Variants in PDE4D observed in about 807,000 individuals in gnomAD.
PDE4D encodes the protein phosphodiesterase 4D, also known as 3',5'-cyclic-AMP phosphodiesterase 4D.
Under a neutral mutation model 87.4 loss-of-function variants are expected in PDE4D, and 24 were observed. The observed-to-expected ratio is 0.27, with a 90% CI of 0.20 to 0.39. The LOEUF is 0.39. Among genes scored for constraint, PDE4D ranks in the 10% least tolerant of loss-of-function variants. The probability of loss-of-function intolerance (pLI) is 1.00; values close to 1 mark genes in which losing one functional copy is unlikely to be tolerated. For missense variants in PDE4D, 714 were observed against 1,041.0 expected (o/e 0.69, Z 4.32); for synonymous variants, 384 against 383.2 (o/e 1.00, Z -0.02).
intron 2 of PDE4D, among the ~76,000 whole-genome samples, chr5:60,180,215 G>C (rs1784266180): frequency 6.6e-6 from 1 of 152,164 alleles, no homozygotes; most frequent in Non-Finnish European, 1.5e-5. Context: ...AATGGTTGCT[G>C]ATCAGTCGCT....
At chr5:60,323,404 C>A (rs1259874010) in intron 1 of PDE4D, among the ~76,000 whole-genome samples, 1 of 152,134 alleles carries the variant, frequency 6.6e-6, no homozygotes, top group Non-Finnish European at 1.5e-5. Context: ...CTCTTTTGTT[C>A]CCCTGGCTTT....
chr5:60,105,460 T>C (rs1776783417), intron 2 of PDE4D, among the ~76,000 whole-genome samples: 1 of 152,116 alleles, frequency 6.6e-6, no homozygotes, highest in East Asian at 1.9e-4. Flanking sequence ...CCAGGAGAAC[T>C]TCCCCAATCT....
intron 5 of PDE4D, among the ~76,000 whole-genome samples, chr5:59,077,472 C>CTT (rs1765888158): frequency 1.8e-5 from 2 of 114,214 alleles, no homozygotes; most frequent in Admixed American, 1.1e-4. Flanking sequence ...TTTTTTTTTT[C>CTT]TTCTTTTTTT....
intron 3 of PDE4D, among the ~76,000 whole-genome samples, chr5:59,921,271 AT>A (rs1253652147): frequency 6.6e-6 from 1 of 152,194 alleles, no homozygotes; most frequent in African/African-American, 2.4e-5. Flanking sequence ...CAAAAAATTA[AT>A]GTTTTTTGCA....
chr5:60,365,762 G>T (rs764433178), intron 1 of PDE4D, among the ~76,000 whole-genome samples: 1 of 151,712 alleles, frequency 6.6e-6, no homozygotes, highest in Non-Finnish European at 1.5e-5. Flanking sequence ...TGGCCATTTC[G>T]GCCAGGCGTG....
intron 1 of PDE4D, among the ~76,000 whole-genome samples, chr5:60,209,165 G>A (rs1742885980): frequency 1.3e-5 from 2 of 149,868 alleles, no homozygotes; most frequent in Admixed American, 1.3e-4. Flanking sequence ...TTGTCCCCAA[G>A]GAAAGTATTT....
chr5:59,639,954 T>C (rs1234289894), intron 1 of PDE4D, among the ~76,000 whole-genome samples: 1 of 151,472 alleles, frequency 6.6e-6, no homozygotes, highest in Non-Finnish European at 1.5e-5. Flanking sequence ...TTTTTTAACA[T>C]TAATGCCCCA....
At chr5:59,040,534 G>A (rs930068318) in intron 5 of PDE4D, among the ~76,000 whole-genome samples, 5 of 152,174 alleles carry the variant, frequency 3.3e-5, no homozygotes, top group Admixed American at 6.5e-5. Flanking sequence ...TGAGAAAACG[G>A]AAAGACCATA....
At chr5:59,326,775 G>T (rs1455709230) in intron 1 of PDE4D, among the ~76,000 whole-genome samples, 1 of 152,046 alleles carries the variant, frequency 6.6e-6, no homozygotes, top group Non-Finnish European at 1.5e-5. Context: ...GATCTTGCTT[G>T]GAAAAGACAC....
At chr5:60,213,585 C>T (rs892069034) in intron 1 of PDE4D, among the ~76,000 whole-genome samples, 1 of 152,180 alleles carries the variant, frequency 6.6e-6, no homozygotes, top group Non-Finnish European at 1.5e-5. Context: ...TTTGCCATTC[C>T]ATTTCTTCAA....
chr5:59,075,700 T>C (rs1254221234), intron 5 of PDE4D, among the ~76,000 whole-genome samples: 1 of 152,152 alleles, frequency 6.6e-6, no homozygotes, highest in East Asian at 1.9e-4. Context: ...TTCTTATAAA[T>C]ATAAAGCATA....
At chr5:59,189,599 G>C (rs1235150320) in intron 3 of PDE4D, among the ~76,000 whole-genome samples, 1 of 152,070 alleles carries the variant, frequency 6.6e-6, no homozygotes, top group Non-Finnish European at 1.5e-5. Flanking sequence ...GCAGAGAAGA[G>C]TTTCCTACAG....
At chr5:60,259,068 T>A (rs1749381340) in intron 1 of PDE4D, among the ~76,000 whole-genome samples, 1 of 152,036 alleles carries the variant, frequency 6.6e-6, no homozygotes, top group Non-Finnish European at 1.5e-5. Flanking sequence ...ACTATCTCTA[T>A]CTTCAGATGC....
At chr5:58,981,767 G>C (rs75023582) in intron 11 of PDE4D, among the ~76,000 whole-genome samples, 3 of 152,086 alleles carry the variant, frequency 2.0e-5, no homozygotes, top group African/African-American at 7.2e-5. Context: ...ACCTTCATTC[G>C]TGAAGGGTAT....
At chr5:60,493,915 C>T (rs980302080) in intron 1 of PDE4D, among the ~76,000 whole-genome samples, 1 of 152,100 alleles carries the variant, frequency 6.6e-6, no homozygotes, top group African/African-American at 2.4e-5. Context: ...TAAATTAGCA[C>T]TAGAGGACAA....
At chr5:59,127,611 C>G (rs1482928418) in intron 5 of PDE4D, among the ~76,000 whole-genome samples, 1 of 104,278 alleles carries the variant, frequency 9.6e-6, no homozygotes, top group Non-Finnish European at 2.4e-5. Context: ...CCCCACCCCC[C>G]CACCCCCCAC....
chr5:59,943,823 A>C (rs1757439206), intron 3 of PDE4D, among the ~76,000 whole-genome samples: 1 of 152,180 alleles, frequency 6.6e-6, no homozygotes, highest in Admixed American at 6.5e-5. Context: ...CCATTTTTCA[A>C]TATCTAAGTC....
At chr5:60,165,939 G>C (rs1023054707) in intron 2 of PDE4D, among the ~76,000 whole-genome samples, 3 of 151,834 alleles carry the variant, frequency 2.0e-5, no homozygotes, top group African/African-American at 7.3e-5. Context: ...TTGTTTTGTA[G>C]AGTCTTTGTT....
intron 1 of PDE4D, among the ~76,000 whole-genome samples, chr5:59,775,604 C>A (rs1764000124): frequency 6.6e-6 from 1 of 152,178 alleles, no homozygotes; most frequent in Non-Finnish European, 1.5e-5. Flanking sequence ...CAAAATTGTT[C>A]ATTGTATTAC....
Sources: gnomAD v4.1 joint callset for allele counts (sites outside exome capture counted in the v4.1 genomes callset) on GRCh38, gnomAD v4.1.1 for gene constraint, MANE v1.5 for transcripts, NCBI Gene and HGNC (gene_info 2026-07-23, HGNC 2026-07-21) for gene names.